Variants in SGCD observed in about 807,000 individuals in gnomAD.
The protein encoded by SGCD is sarcoglycan delta, also known as delta-sarcoglycan.
Under a neutral mutation model 36.6 loss-of-function variants are expected in SGCD, and 18 were observed. That is an observed-to-expected ratio of 0.49 (90% CI 0.34 to 0.73). The LOEUF (loss-of-function observed/expected upper bound fraction) is 0.73, where lower values mean the gene tolerates loss of function less well. Ranked by LOEUF, SGCD falls within the 30% of genes least tolerant of loss-of-function variation. SGCD has a pLI of 0.01. For missense variants in SGCD, 387 were observed against 346.7 expected (o/e 1.12, Z -0.92); for synonymous variants, 133 against 130.6 (o/e 1.02, Z -0.12).
chr5:156,453,214 ACATTTGAAGCACTGT>A (rs1754100754), intron 3 of SGCD, among the ~76,000 whole-genome samples: 1 of 152,320 alleles, frequency 6.6e-6, no homozygotes, highest in South Asian at 2.1e-4. Context: ...AGATAATATG[ACATTTGAAGCACTGT>A]CACATGGAAG....
At chr5:156,206,282 G>A (rs1286366659) in intron 3 of SGCD, among the ~76,000 whole-genome samples, 1 of 151,630 alleles carries the variant, frequency 6.6e-6, no homozygotes. Context: ...GGCATTCGGG[G>A]TTTTCCCAAT....
At chr5:156,390,801 A>C (rs1350394720) in intron 3 of SGCD, among the ~76,000 whole-genome samples, 1 of 152,214 alleles carries the variant, frequency 6.6e-6, no homozygotes, top group East Asian at 1.9e-4. Context: ...GGTATAAAGA[A>C]AGAAAATATT....
chr5:155,821,682 T>A, the SGCD span, among the ~76,000 whole-genome samples: 2 of 152,124 alleles, frequency 1.3e-5, no homozygotes, highest in African/African-American at 4.8e-5. Flanking sequence ...TTTAATAGAG[T>A]GCAATGTTGT....
At chr5:156,595,486 A>G (rs1054880129) in intron 6 of SGCD, among the ~76,000 whole-genome samples, 54 of 152,182 alleles carry the variant, frequency 3.5e-4, no homozygotes, top group Admixed American at 2.8e-3. Flanking sequence ...GGTGTCTAGA[A>G]GAGTGATTTA....
chr5:156,501,122 C>T (rs1756429007), intron 3 of SGCD, among the ~76,000 whole-genome samples: 1 of 152,304 alleles, frequency 6.6e-6, no homozygotes, highest in East Asian at 1.9e-4. Flanking sequence ...CCTCGGGACA[C>T]TGGCAGGAAA....
intron 7 of SGCD, among the ~76,000 whole-genome samples, chr5:156,717,272 G>T (rs1258294159): frequency 1.3e-5 from 2 of 152,128 alleles, no homozygotes; most frequent in Admixed American, 6.5e-5. Flanking sequence ...TCACTCCATT[G>T]CTTGGAGATA....
chr5:156,152,198 C>CT (rs1762849579), intron 3 of SGCD, among the ~76,000 whole-genome samples: 1 of 151,542 alleles, frequency 6.6e-6, no homozygotes, highest in Non-Finnish European at 1.5e-5. Flanking sequence ...TGCTGGTTAA[C>CT]CTTTTTCTTT....
intron 3 of SGCD, among the ~76,000 whole-genome samples, chr5:156,303,357 T>A (rs766903006): frequency 4.6e-5 from 7 of 151,910 alleles, no homozygotes; most frequent in Non-Finnish European, 7.4e-5. Flanking sequence ...CAGGCCTGGG[T>A]CTCTCCCTTC....
At chr5:155,841,103 A>T in the SGCD span, among the ~76,000 whole-genome samples, 1 of 149,844 alleles carries the variant, frequency 6.7e-6, no homozygotes, top group East Asian at 2.0e-4. Flanking sequence ...CTTCTCAGTT[A>T]ACAGATGTAC....
At chr5:155,756,851 A>T in the SGCD span, among the ~76,000 whole-genome samples, 1 of 152,170 alleles carries the variant, frequency 6.6e-6, no homozygotes, top group Non-Finnish European at 1.5e-5. Flanking sequence ...AGTTGTACAC[A>T]CTGGTGTATG....
At chr5:155,739,284 GCTAAAAGAT>G in the SGCD span, among the ~76,000 whole-genome samples, 1 of 152,174 alleles carries the variant, frequency 6.6e-6, no homozygotes, top group African/African-American at 2.4e-5. Flanking sequence ...GCAAGTATCT[GCTAAAAGAT>G]CTTTCCATGC....
chr5:155,768,271 TTTG>T, the SGCD span, among the ~76,000 whole-genome samples: 37 of 144,588 alleles, frequency 2.6e-4, no homozygotes, highest in East Asian at 2.1e-3. Context: ...TTGTTTTTGT[TTTG>T]TTGTTGTTGT....
chr5:156,456,657 G>A (rs1193510995), intron 3 of SGCD, among the ~76,000 whole-genome samples: 1 of 152,210 alleles, frequency 6.6e-6, no homozygotes, highest in African/African-American at 2.4e-5. Flanking sequence ...ATTACCAGAA[G>A]CTGGAAGAGC....
chr5:156,421,919 C>T (rs921431780), intron 3 of SGCD, among the ~76,000 whole-genome samples: 1 of 152,022 alleles, frequency 6.6e-6, no homozygotes, highest in Non-Finnish European at 1.5e-5. Context: ...CCGGAAATTA[C>T]AGAGATAAAT....
chr5:156,358,908 G>T (rs1769629875), intron 3 of SGCD, among the ~76,000 whole-genome samples: 1 of 152,112 alleles, frequency 6.6e-6, no homozygotes, highest in Admixed American at 6.6e-5. Context: ...GGGGAGACAG[G>T]TGGGAGAGGG....
At chr5:156,204,275 A>G (rs573902658) in intron 3 of SGCD, among the ~76,000 whole-genome samples, 2 of 152,054 alleles carry the variant, frequency 1.3e-5, no homozygotes, top group African/African-American at 2.4e-5. Flanking sequence ...GTTATGTAGT[A>G]AGAATAATAC....
the SGCD span, among the ~76,000 whole-genome samples, chr5:155,767,198 T>A: frequency 6.6e-6 from 1 of 152,222 alleles, no homozygotes; most frequent in African/African-American, 2.4e-5. Flanking sequence ...TGGGTCAGGC[T>A]GCTGGTGCGC....
At chr5:156,087,759 T>C (rs1761138437) in intron 1 of SGCD, among the ~76,000 whole-genome samples, 1 of 152,102 alleles carries the variant, frequency 6.6e-6, no homozygotes, top group African/African-American at 2.4e-5. Context: ...TTGGGTGTAA[T>C]TAGCAAGGGC....
At chr5:156,194,785 T>G (rs1763983864) in intron 3 of SGCD, among the ~76,000 whole-genome samples, 1 of 152,148 alleles carries the variant, frequency 6.6e-6, no homozygotes, top group Non-Finnish European at 1.5e-5. Flanking sequence ...TTTTACTGTT[T>G]GTATGATCTT....
Sources: gnomAD v4.1 joint callset for allele counts (sites outside exome capture counted in the v4.1 genomes callset) on GRCh38, gnomAD v4.1.1 for gene constraint, MANE v1.5 for transcripts, NCBI Gene and HGNC (gene_info 2026-07-23, HGNC 2026-07-21) for gene names.